Variants in RPS6KA5 observed in about 807,000 individuals in gnomAD.
The protein encoded by RPS6KA5 is ribosomal protein S6 kinase A5, also known as ribosomal protein S6 kinase alpha-5.
RPS6KA5 carries 27 observed loss-of-function variants against 85.5 expected under a neutral mutation model. That is an observed-to-expected ratio of 0.32 (90% CI 0.23 to 0.44). The LOEUF (loss-of-function observed/expected upper bound fraction) is 0.44, where lower values mean the gene tolerates loss of function less well. Among genes scored for constraint, RPS6KA5 ranks in the 20% least tolerant of loss-of-function variants. The pLI, the probability that RPS6KA5 is intolerant of heterozygous loss-of-function variation, is 1.00. For synonymous variants in RPS6KA5, 334 were observed against 348.2 expected, an observed-to-expected ratio of 0.96 and a Z score of 0.46; for missense variants, 811 against 980.9, an observed-to-expected ratio of 0.83 and a Z score of 2.31.
In RPS6KA5 at chr14:90,875,363, A is replaced by G. The variant is rs775698109; in HGVS notation, c.1837-3T>C. The G allele has an allele frequency of 3.7e-6, 6 of 1,609,398 alleles. No individual in the cohort carries two copies. In the African/African-American group the frequency reaches 8.0e-5, roughly 22 times the overall value. On this transcript the variant is annotated splice_region_variant and splice_polypyrimidine_tract_variant and intron_variant, in intron 14 of 16. Transcript: ENST00000614987. ...ACCTGTCCTGACAACATTGTGTACT[A>G]TCAGGGAAAAAGTAACAAAACAGAA...
rs564676064 is a variant in RPS6KA5 at position 90,910,717 on chromosome 14, G to T, written c.807-4418C>A. 8.0e-5 allele frequency among the ~76,000 whole-genome samples: 12 copies of T among 150,534 alleles called. No homozygotes were observed. The East Asian group carries it at 2.1e-3, about 27-fold the overall frequency. ...TTTTTTTTTTTTGAGACAGAGTCTG[G>T]CTCTGTCGACCAGGCTGGAGTGCAA... On this transcript the variant is annotated intron_variant, in intron 7 of 16. Transcript: ENST00000614987.
At chr14:91,009,529 C>A (rs1220451099) in intron 1 of RPS6KA5, among the ~76,000 whole-genome samples, 1 of 152,178 alleles carries the variant, frequency 6.6e-6, no homozygotes, top group Non-Finnish European at 1.5e-5. Context: ...GAATTACAGG[C>A]ATGATGCCTG....
At chr14:91,009,886 G>C (rs1228040244) in intron 1 of RPS6KA5, among the ~76,000 whole-genome samples, 1 of 152,088 alleles carries the variant, frequency 6.6e-6, no homozygotes, top group Non-Finnish European at 1.5e-5. Flanking sequence ...TATGAGGCAA[G>C]AAGAAAAAGA....
At position 90,873,647 on chromosome 14, in the gene RPS6KA5, C is replaced by T. The variant is rs1159511387; in HGVS notation, c.2145G>A (p.Val715=). 1 of 1,613,948 alleles carries T rather than the reference C, an allele frequency of 6.2e-7. No homozygotes were observed. The highest frequency in any genetic ancestry group is 1.7e-5 in the Admixed American group (1 of 60,000). The change falls in exon 16 of 17, where the codon GTG becomes GTA. Residue 715 remains valine (V), a synonymous_variant. Coordinates refer to ENST00000614987, the MANE Select transcript of RPS6KA5 (RefSeq NM_004755.4). ...AGGGCCTTACGTGGAAGGTTGCTTT[C>T]ACACAGGTATGCACGGCAGCTCCGG... The part of the protein sequence containing the change: ...GSSGAAVHTC[V]KATFHAFNKY...
Position 90,920,313 on chromosome 14 carries a change from T to A in RPS6KA5, c.703-4A>T, listed in dbSNP as rs768785029. 1 of 1,538,396 alleles carries A rather than the reference T, an allele frequency of 6.5e-7. No homozygotes were observed. Among genetic ancestry groups the A allele is most frequent in the South Asian group, 1.2e-5 (1 of 86,228 alleles). The stretch of plus-strand genomic sequence containing the variant: ...CCAAACTCCACCAGTCAACTGCCTA[T>A]AAAACAACAATAATTTCATTTTATA... On this transcript the variant is annotated splice_polypyrimidine_tract_variant and splice_region_variant and intron_variant, in intron 6 of 16. Coordinates refer to ENST00000614987, the MANE Select transcript of RPS6KA5 (RefSeq NM_004755.4).
chr14:90,943,162 A>C lies in RPS6KA5; in HGVS notation c.534T>G (p.Ile178Met). The C allele has an allele frequency of 6.2e-7, 1 of 1,606,652 alleles. No individual in the cohort carries two copies. Among genetic ancestry groups the C allele is most frequent in the Non-Finnish European group, 8.5e-7 (1 of 1,173,810 alleles). Residue 178 changes from isoleucine (I) to methionine (M), a missense_variant, in exon 5 of 17, where the codon ATT becomes ATG. Ile to Met is a conservative substitution (Grantham distance 10). Transcript: ENST00000614987. ...LHKLGIIYRD[I>M]KLENILLDSN... ...AATCAAGTAGAATATTCTCAAGCTT[A>C]ATATCACGATATATAATCCCCAACT...
At position 90,902,946 on chromosome 14, in the gene RPS6KA5, G is replaced by T. The variant is rs774082309; in HGVS notation, c.981C>A (p.Ala327=). Residue 327 remains alanine, a synonymous_variant, in exon 9 of 17, where the codon GCC becomes GCA. Coordinates refer to ENST00000614987, the MANE Select transcript of RPS6KA5 (RefSeq NM_004755.4). ...FFQKINWDDL[A]AKKVPAPFKP... ...TAAATGGTGCAGGCACTTTTTTGGC[G>T]GCTAAATCATCCCAATTTATTTTCT... The T allele has an allele frequency of 6.2e-7, 1 of 1,611,114 alleles. No individual in the cohort carries two copies. The highest frequency in any genetic ancestry group is 1.1e-5 in the South Asian group (1 of 90,580).
chr14:90,941,751 G>A (rs1335079061), intron 5 of RPS6KA5, among the ~76,000 whole-genome samples: 3 of 152,172 alleles, frequency 2.0e-5, no homozygotes, highest in African/African-American at 4.8e-5. Flanking sequence ...CTGCTTTTAG[G>A]CTTCCCATGT....
chr14:90,854,435 A>G lies in RPS6KA5; in HGVS notation c.*17639T>C, dbSNP rs1296072047. ...ACAAATTTTTATTTTAGATTTCACAATGTACACTTGTCTCAAGTAAGTCTA... is the reference window on the plus strand; with the variant it reads ...ACAAATTTTTATTTTAGATTTCACAGTGTACACTTGTCTCAAGTAAGTCTA... On this transcript the variant is annotated 3_prime_UTR_variant, in exon 17 of 17. Coordinates refer to ENST00000614987, the MANE Select transcript of RPS6KA5 (RefSeq NM_004755.4). The G allele has an allele frequency of 1.3e-5, 2 of 152,154 alleles. No homozygotes were observed. The highest frequency in any genetic ancestry group is 2.4e-5 in the African/African-American group (1 of 41,462). The allele number at this position is 152,154 out of a possible 1,614,324, so 9.4% of individuals were successfully genotyped here. A position where few individuals can be genotyped will look rare whatever the true frequency, so the allele number is the denominator to read the frequency against.
chr14:90,894,529 T>A lies in RPS6KA5; in HGVS notation c.1528A>T (p.Ile510Phe). The part of the protein sequence containing the change: ...LLNGGELFER[I>F]KKKKHFSETE... ...TCACTGAAGTGCTTCTTTTTCTTAA[T>A]GCGCTCAAACAGTTCTCCTCCATTC... Residue 510 changes from isoleucine to phenylalanine, a missense_variant, in exon 13 of 17, where the codon ATT (isoleucine) becomes TTT (phenylalanine). Coordinates refer to ENST00000614987, the MANE Select transcript of RPS6KA5 (RefSeq NM_004755.4). 6.2e-7 allele frequency: 1 copy of A among 1,614,208 alleles called. No homozygotes were observed. The highest frequency in any genetic ancestry group is 8.5e-7 in the Non-Finnish European group (1 of 1,180,032).
intron 1 of RPS6KA5, among the ~76,000 whole-genome samples, chr14:91,038,901 G>A (rs1024515693): frequency 6.6e-6 from 1 of 152,114 alleles, no homozygotes; most frequent in African/African-American, 2.4e-5. Flanking sequence ...TAAATCTTCA[G>A]CCTGATTTTT....
chr14:90,990,398 G>A (rs1047915422), intron 2 of RPS6KA5, among the ~76,000 whole-genome samples: 7 of 152,130 alleles, frequency 4.6e-5, no homozygotes, highest in Non-Finnish European at 1.0e-4. Flanking sequence ...GTGAGGTTGT[G>A]GAGAAAACAA....
At chr14:90,891,491 T>G (rs2034553949) in intron 13 of RPS6KA5, among the ~76,000 whole-genome samples, 1 of 152,146 alleles carries the variant, frequency 6.6e-6, no homozygotes, top group South Asian at 2.1e-4. Context: ...ATAAGTACAT[T>G]AAGCTAGTAC....
chr14:90,933,658 G>A (rs1352243203), intron 5 of RPS6KA5, among the ~76,000 whole-genome samples: 2 of 152,082 alleles, frequency 1.3e-5, no homozygotes, highest in Admixed American at 6.6e-5. Flanking sequence ...TCCAAAATAG[G>A]AGATCACTAC....
In RPS6KA5 at chr14:91,060,395, T is replaced by A. The variant is rs2043613967; in HGVS notation, c.40A>T (p.Thr14Ser). ...EGGSSGGAAGTSADGGDGGEQ... is the reference protein window; with the variant it reads ...EGGSSGGAAGSSADGGDGGEQ... ...CCTCCGTCGCCGCCGTCCGCGCTGG[T>A]CCCCGCGGCGCCGCCGCTGCTGCCA... is the stretch of plus-strand genomic sequence containing the variant. Residue 14 changes from threonine (T) to serine (S), a missense_variant, in exon 1 of 17, where the codon ACC becomes TCC. By Grantham distance (58) the Thr-to-Ser change is moderately conservative. This residue lies in a region of RPS6KA5 where 113 missense variants were observed against 100.0 expected (regional missense o/e 1.13). Transcript: ENST00000614987. 1.3e-6 allele frequency: 2 copies of A among 1,508,516 alleles called. No homozygotes were observed. Among genetic ancestry groups the A allele is most frequent in the East Asian group, 5.4e-5 (2 of 37,362 alleles). 93.4% of individuals were successfully genotyped at this position (1,508,516 alleles called of 1,614,324 possible).
chr14:91,019,831 CA>C (rs772167790), intron 1 of RPS6KA5, among the ~76,000 whole-genome samples: 10 of 152,184 alleles, frequency 6.6e-5, no homozygotes, highest in Non-Finnish European at 1.5e-4. Context: ...TCTGTACATA[CA>C]GTCATGCATC....
chr14:90,923,279 T>C (rs1226013291), intron 5 of RPS6KA5, 83 bp from the exon 6 acceptor site: 21 of 1,079,464 alleles, frequency 1.9e-5, no homozygotes, highest in Non-Finnish European at 3.0e-5. Flanking sequence ...ATGTTAGTGG[T>C]TGAGATACAC....
rs1179797371 is a variant in RPS6KA5 at position 90,850,985 on chromosome 14, C to T, written c.*21089G>A. The T allele has an allele frequency of 6.6e-6, 1 of 152,204 alleles. No homozygotes were observed. The highest frequency in any genetic ancestry group is 1.5e-5 in the Non-Finnish European group (1 of 68,044). The allele number at this position is 152,204 out of a possible 1,614,324, so 9.4% of individuals were successfully genotyped here. A position where few individuals can be genotyped will look rare whatever the true frequency, so the allele number is the denominator to read the frequency against. On this transcript the variant is annotated 3_prime_UTR_variant, in exon 17 of 17. Coordinates refer to ENST00000614987, the MANE Select transcript of RPS6KA5 (RefSeq NM_004755.4). ...ACTTAATTTTATACTTTGTTAGTTC[C>T]TACTTCAAAATGCTAGTCAATATTC... is the stretch of plus-strand genomic sequence containing the variant.
chr14:91,042,836 A>G (rs1237100351), intron 1 of RPS6KA5, among the ~76,000 whole-genome samples: 2 of 152,144 alleles, frequency 1.3e-5, no homozygotes, highest in Admixed American at 6.5e-5. Context: ...ATGAAACTGT[A>G]GTACTAGGCT....
Sources: gnomAD v4.1 joint callset for allele counts (sites outside exome capture counted in the v4.1 genomes callset) on GRCh38, gnomAD v4.1.1 for gene constraint, gnomAD v4.1.1 regional missense constraint, MANE v1.5 for transcripts, NCBI Gene and HGNC (gene_info 2026-07-23, HGNC 2026-07-21) for gene names.